Variants in PACRG observed in about 807,000 individuals in gnomAD.
The protein encoded by PACRG is parkin coregulated, also known as parkin coregulated gene protein.
Under a neutral mutation model 29.7 loss-of-function variants are expected in PACRG, and 29 were observed. The ratio of observed to expected loss-of-function variants is 0.98; its 90% confidence interval spans 0.73 to 1.33. The LOEUF (loss-of-function observed/expected upper bound fraction) is 1.33, where lower values mean the gene tolerates loss of function less well. Among genes scored for constraint, PACRG ranks in the 40% most tolerant of loss-of-function variants. The probability of loss-of-function intolerance (pLI) is 0.00; values close to 1 mark genes in which losing one functional copy is unlikely to be tolerated. For synonymous variants in PACRG, 116 were observed against 118.7 expected (o/e 0.98, Z 0.15); for missense variants, 279 against 316.2 (o/e 0.88, Z 0.89).
At chr6:162,970,920 A>T (rs966968693) in intron 2 of PACRG, among the ~76,000 whole-genome samples, 3 of 152,224 alleles carry the variant, frequency 2.0e-5, no homozygotes, top group African/African-American at 7.2e-5. Flanking sequence ...CAATTGTTTC[A>T]GTGGCCATGG....
At chr6:163,067,165 A>G (rs483938) in intron 3 of PACRG, among the ~76,000 whole-genome samples, 75,050 of 152,110 alleles carry the variant, frequency 0.49, 21,251 homozygotes, top group East Asian at 0.96. Flanking sequence ...AAGCTTCAGT[A>G]TGCATCCGCG....
chr6:163,018,415 C>A (rs1212446299), intron 2 of PACRG, among the ~76,000 whole-genome samples: 3 of 152,106 alleles, frequency 2.0e-5, no homozygotes, highest in South Asian at 4.1e-4. Context: ...CTAGTAGAAT[C>A]CTCAAGAAGT....
chr6:162,777,759 A>G lies in PACRG; in HGVS notation c.157-36388A>G, dbSNP rs1783761329. Among the ~76,000 whole-genome samples the G allele has an allele frequency of 6.6e-6, 1 of 152,222 alleles. No individual in the cohort carries two copies. Among genetic ancestry groups the G allele is most frequent in the Admixed American group, 6.5e-5 (1 of 15,288 alleles). ...GGAGCATCTTAAGGAAGACAGCCTT[A>G]TAACTGAATCCTGCCATATGGTTCA... On this transcript the variant is annotated intron_variant, in intron 1 of 4. Transcript: ENST00000366888. The surrounding 1 kb of genome is among the most constrained non-coding windows in gnomAD (Gnocchi z 4.0).
intron 2 of PACRG, among the ~76,000 whole-genome samples, chr6:162,955,650 G>A (rs1799964711): frequency 1.3e-5 from 2 of 152,168 alleles, no homozygotes; most frequent in Non-Finnish European, 2.9e-5. Flanking sequence ...CATAGAAATA[G>A]CGTATGATTT....
chr6:162,948,777 T>C (rs976878134), intron 2 of PACRG, among the ~76,000 whole-genome samples: 1 of 151,988 alleles, frequency 6.6e-6, no homozygotes, highest in Admixed American at 6.6e-5. Context: ...CCAAGAAGTA[T>C]ATAAAAATGC....
chr6:163,132,089 A>G (rs1386792853), intron 4 of PACRG, among the ~76,000 whole-genome samples: 1 of 152,218 alleles, frequency 6.6e-6, no homozygotes, highest in Non-Finnish European at 1.5e-5. Context: ...TTATAATACT[A>G]GCTTACTATA....
intron 2 of PACRG, among the ~76,000 whole-genome samples, chr6:162,967,114 C>G (rs919778706): frequency 6.6e-6 from 1 of 151,938 alleles, no homozygotes; most frequent in African/African-American, 2.4e-5. Context: ...TGATAATGCT[C>G]AAAAGTAGCA....
At chr6:162,922,582 T>G (rs1797144406) in intron 2 of PACRG, among the ~76,000 whole-genome samples, 1 of 151,982 alleles carries the variant, frequency 6.6e-6, no homozygotes, top group Middle Eastern at 3.4e-3. Context: ...CCACCAGCCT[T>G]CCCAGCCTCT....
intron 2 of PACRG, among the ~76,000 whole-genome samples, chr6:162,961,130 G>A (rs932973839): frequency 1.6e-4 from 25 of 152,294 alleles, no homozygotes; most frequent in Non-Finnish European, 3.4e-4. Flanking sequence ...GTACTCAAAC[G>A]AGGCAAGAAG....
chr6:162,735,029 G>A (rs1780059540), intron 1 of PACRG, among the ~76,000 whole-genome samples: 2 of 152,138 alleles, frequency 1.3e-5, no homozygotes, highest in Admixed American at 1.3e-4. Context: ...TCAACATTCT[G>A]TTTGTGAGAT....
chr6:163,043,675 G>A (rs909663699), intron 2 of PACRG, among the ~76,000 whole-genome samples: 4 of 152,176 alleles, frequency 2.6e-5, no homozygotes, highest in African/African-American at 9.7e-5. Context: ...TATATGTGAA[G>A]AAATAATGGA....
intron 4 of PACRG, among the ~76,000 whole-genome samples, chr6:163,175,019 C>A (rs1779275877): frequency 6.6e-6 from 1 of 152,188 alleles, no homozygotes; most frequent in African/African-American, 2.4e-5. Flanking sequence ...TGTACAGGGC[C>A]ATGTTACTGC....
intron 4 of PACRG, among the ~76,000 whole-genome samples, chr6:163,118,416 C>T (rs1354731872): frequency 6.6e-6 from 1 of 152,142 alleles, no homozygotes; most frequent in African/African-American, 2.4e-5. Context: ...AGAAGTGAGG[C>T]CCCATTCTTT....
At chr6:162,823,756 G>T (rs975964508) in intron 2 of PACRG, among the ~76,000 whole-genome samples, 8 of 151,990 alleles carry the variant, frequency 5.3e-5, no homozygotes, top group Non-Finnish European at 1.0e-4. Flanking sequence ...CTCGTGATCC[G>T]CCTGCCTAGG....
intron 4 of PACRG, among the ~76,000 whole-genome samples, chr6:163,131,975 T>G (rs948925085): frequency 3.3e-5 from 5 of 152,250 alleles, no homozygotes; most frequent in Admixed American, 2.6e-4. Context: ...ATGGCTCATC[T>G]TCAAACTACT....
intron 2 of PACRG, among the ~76,000 whole-genome samples, chr6:163,003,238 A>T (rs1308272182): frequency 6.6e-6 from 1 of 152,216 alleles, no homozygotes; most frequent in Admixed American, 6.5e-5. Context: ...AGAAAAAATG[A>T]AAGAGAGCAA....
In PACRG at chr6:163,120,124, G is replaced by A. The variant is rs542600057; in HGVS notation, c.613+30716G>A. Among the ~76,000 whole-genome samples, 84 of 152,268 alleles carry A rather than the reference G, an allele frequency of 5.5e-4. 1 individual carries two copies. The South Asian group carries it at 0.016, about 30-fold the overall frequency. ...AGTAGGTAGAGGTTTAGGGGGAAAGGCTGTGTTTTGTGTGGCTCTAGGATG... is the reference window on the plus strand; with the variant it reads ...AGTAGGTAGAGGTTTAGGGGGAAAGACTGTGTTTTGTGTGGCTCTAGGATG... On this transcript the variant is annotated intron_variant, in intron 4 of 4. Coordinates refer to ENST00000366888, the MANE Select transcript of PACRG (RefSeq NM_001080379.2).
intron 4 of PACRG, among the ~76,000 whole-genome samples, chr6:163,227,504 C>A (rs1781853281): frequency 6.6e-6 from 1 of 152,186 alleles, no homozygotes; most frequent in Admixed American, 6.5e-5. Context: ...GTTGAAGATG[C>A]ACCAATATAT....
intron 2 of PACRG, among the ~76,000 whole-genome samples, chr6:163,058,573 T>C (rs1810799746): frequency 6.6e-6 from 1 of 151,208 alleles, no homozygotes; most frequent in Admixed American, 6.6e-5. Flanking sequence ...AGGTGATCTC[T>C]AATAAAAAAA....
Sources: allele counts gnomAD v4.1 joint callset (sites outside exome capture counted in the v4.1 genomes callset), GRCh38; gene constraint gnomAD v4.1.1; non-coding constraint Gnocchi (gnomAD v3.1); transcripts MANE v1.5; gene names NCBI Gene and HGNC (gene_info 2026-07-23, HGNC 2026-07-21).